The following SYCP1 variants were observed in gnomAD, a reference collection of about 807,000 sequenced individuals.
SYCP1 encodes cancer/testis antigen 8.
Under a neutral mutation model 153.1 loss-of-function variants are expected in SYCP1, and 64 were observed. That is an observed-to-expected ratio of 0.42 (90% CI 0.34 to 0.51). The LOEUF is 0.51. SYCP1 is among the 20% of genes least tolerant of loss of function. SYCP1 has a pLI of 0.06. For synonymous variants in SYCP1, 384 were observed against 341.8 expected, an observed-to-expected ratio of 1.12 and a Z score of -1.36; for missense variants, 997 against 1,049.0, an observed-to-expected ratio of 0.95 and a Z score of 0.68.
chr1:114,943,454 A>G (rs1047935429), intron 23 of SYCP1, among the ~76,000 whole-genome samples: 1 of 151,912 alleles, frequency 6.6e-6, no homozygotes, highest in African/African-American at 2.4e-5. Flanking sequence ...TACCTCAAAC[A>G]TAACTGTTCA....
At chr1:114,955,231 T>C (rs560260214) in intron 27 of SYCP1, among the ~76,000 whole-genome samples, 3 of 152,292 alleles carry the variant, frequency 2.0e-5, no homozygotes, top group African/African-American at 7.2e-5. Context: ...TGCTATTCCC[T>C]AGAATAAATC....
chr1:114,955,177 T>G (rs1170321539), intron 27 of SYCP1, among the ~76,000 whole-genome samples: 1 of 152,198 alleles, frequency 6.6e-6, no homozygotes, highest in Non-Finnish European at 1.5e-5. Flanking sequence ...TATTTTTCTT[T>G]TTATCTTGTT....
intron 23 of SYCP1, among the ~76,000 whole-genome samples, chr1:114,930,243 A>C (rs1037846685): frequency 2.0e-5 from 3 of 152,010 alleles, no homozygotes; most frequent in African/African-American, 7.2e-5. Flanking sequence ...GAAAAGAAGA[A>C]GTGATCTAGG....
intron 27 of SYCP1, among the ~76,000 whole-genome samples, chr1:114,960,987 T>G (rs1312783378): frequency 6.6e-6 from 1 of 152,216 alleles, no homozygotes; most frequent in African/African-American, 2.4e-5. Context: ...GTCCTGAACT[T>G]CTTTTATTGG....
At chr1:114,868,414 T>C (rs1664901569) in intron 8 of SYCP1, among the ~76,000 whole-genome samples, 1 of 152,178 alleles carries the variant, frequency 6.6e-6, no homozygotes, top group South Asian at 2.1e-4. Context: ...TAGCTGGAAT[T>C]GGGATTATAG....
intron 27 of SYCP1, among the ~76,000 whole-genome samples, chr1:114,957,249 G>A (rs561687791): frequency 1.3e-4 from 20 of 152,146 alleles, no homozygotes; most frequent in Non-Finnish European, 2.1e-4. Context: ...ATTTTTTGCA[G>A]GGGTCTTGCT....
chr1:114,865,780 G>A (rs987690236), intron 8 of SYCP1, among the ~76,000 whole-genome samples: 11 of 152,124 alleles, frequency 7.2e-5, no homozygotes, highest in South Asian at 4.1e-4. Context: ...AAATATGTCC[G>A]CCATTATAGT....
intron 12 of SYCP1, among the ~76,000 whole-genome samples, chr1:114,883,983 G>T (rs919249249): frequency 6.6e-6 from 1 of 152,178 alleles, no homozygotes; most frequent in African/African-American, 2.4e-5. Flanking sequence ...GAACCACCGG[G>T]CCTGGCCCAG....
intron 30 of SYCP1, among the ~76,000 whole-genome samples, chr1:114,992,407 C>T (rs2101989138): frequency 6.6e-6 from 1 of 151,738 alleles, no homozygotes; most frequent in East Asian, 1.9e-4. Flanking sequence ...TACTACAAAG[C>T]TAGTAATTAA....
chr1:114,956,119 A>G (rs1399775456), intron 27 of SYCP1, among the ~76,000 whole-genome samples: 1 of 152,210 alleles, frequency 6.6e-6, no homozygotes, highest in Non-Finnish European at 1.5e-5. Context: ...AGTCTAAGCC[A>G]TCCTGAATAG....
intron 18 of SYCP1, 115 bp from the exon 19 acceptor site, chr1:114,912,918 C>A: frequency 1.5e-6 from 1 of 668,996 alleles, no homozygotes; most frequent in Non-Finnish European, 2.5e-6. Context: ...AATTTTGTTT[C>A]ATGTTTTTCC....
intron 8 of SYCP1, among the ~76,000 whole-genome samples, chr1:114,871,427 C>G (rs1338254062): frequency 3.3e-5 from 5 of 152,132 alleles, no homozygotes. Flanking sequence ...CTCCACCTCC[C>G]AAAGTGCTGA....
intron 8 of SYCP1, among the ~76,000 whole-genome samples, chr1:114,861,945 A>G (rs1473179295): frequency 1.3e-5 from 2 of 151,388 alleles, no homozygotes; most frequent in Admixed American, 1.3e-4. Context: ...GATTACAGGC[A>G]TGTGCCACCA....
At chr1:114,867,832 T>A (rs1348775710) in intron 8 of SYCP1, among the ~76,000 whole-genome samples, 1 of 152,148 alleles carries the variant, frequency 6.6e-6, no homozygotes, top group Admixed American at 6.5e-5. Flanking sequence ...CCTTGCCTTG[T>A]TCCTGATCTT....
chr1:114,933,448 A>G (rs1003120245), intron 23 of SYCP1, among the ~76,000 whole-genome samples: 8 of 152,202 alleles, frequency 5.3e-5, no homozygotes, highest in Non-Finnish European at 1.0e-4. Flanking sequence ...ATGGGGAGAA[A>G]CCAGAGCAGA....
At chr1:114,947,109 A>C (rs1391377291) in intron 26 of SYCP1, 137 bp from the exon 27 acceptor site, 4 of 711,294 alleles carry the variant, frequency 5.6e-6, no homozygotes, top group Non-Finnish European at 9.3e-6. Context: ...ATATCAGTTG[A>C]CTTTAAAAGT....
At chr1:114,935,636 A>G (rs1669948362) in intron 23 of SYCP1, among the ~76,000 whole-genome samples, 1 of 152,208 alleles carries the variant, frequency 6.6e-6, no homozygotes, top group South Asian at 2.1e-4. Context: ...GAAAAGATCA[A>G]CAAAATTGAC....
At chr1:114,912,346 CTT>C in intron 18 of SYCP1, among the ~76,000 whole-genome samples, 1 of 152,026 alleles carries the variant, frequency 6.6e-6, no homozygotes, top group East Asian at 1.9e-4. Context: ...TAGTGAAACA[CTT>C]TATCTCCTCT....
intron 27 of SYCP1, among the ~76,000 whole-genome samples, chr1:114,960,356 T>C (rs1367138065): frequency 6.6e-6 from 1 of 151,988 alleles, no homozygotes; most frequent in Non-Finnish European, 1.5e-5. Flanking sequence ...TTAGTAGAGA[T>C]GGGGTTTTGC....
Sources: allele counts gnomAD v4.1 joint callset (sites outside exome capture counted in the v4.1 genomes callset), GRCh38; gene constraint gnomAD v4.1.1; transcripts MANE v1.5; gene names NCBI Gene and HGNC (gene_info 2026-07-23, HGNC 2026-07-21).